The following RUNDC3B variants were observed in gnomAD, a reference collection of about 807,000 sequenced individuals.
The protein encoded by RUNDC3B is RUN domain containing 3B.
Under a neutral mutation model 58.4 loss-of-function variants are expected in RUNDC3B, and 33 were observed. That is an observed-to-expected ratio of 0.56 (90% CI 0.43 to 0.75). The LOEUF (loss-of-function observed/expected upper bound fraction) is 0.75, where lower values mean the gene tolerates loss of function less well. Among genes scored for constraint, RUNDC3B ranks in the 30% least tolerant of loss-of-function variants. The pLI is 0.00. For synonymous variants in RUNDC3B, 193 were observed against 195.2 expected (o/e 0.99, Z 0.10); for missense variants, 501 against 535.7 (o/e 0.94, Z 0.64).
intron 3 of RUNDC3B, among the ~76,000 whole-genome samples, chr7:87,705,680 C>T (rs962159481): frequency 2.6e-5 from 4 of 152,164 alleles, no homozygotes; most frequent in Non-Finnish European, 5.9e-5. Context: ...CTAGAATCAG[C>T]ACTCTTAGAA....
chr7:87,674,297 A>G (rs1447223437), intron 2 of RUNDC3B, among the ~76,000 whole-genome samples: 1 of 152,104 alleles, frequency 6.6e-6, no homozygotes, highest in African/African-American at 2.4e-5. Context: ...CAGTTGTGGC[A>G]GGGGTGGGGG....
In RUNDC3B at chr7:87,807,540, T is replaced by C. The variant is rs201750729; in HGVS notation, c.1103+21T>C. 130 of 1,589,012 alleles carry C rather than the reference T, an allele frequency of 8.2e-5. No homozygotes were observed. In the African/African-American group the frequency reaches 1.4e-3, roughly 18 times the overall value. On this transcript the variant is annotated intron_variant, in intron 9 of 10. Coordinates refer to ENST00000394654, the MANE Select transcript of RUNDC3B (RefSeq NM_001134405.2). ...TATGAGTAAGTGTAATACTTTTTTT[T>C]CCAACTAATTAATAGTTAGTTGTAC...
rs568047430 is a variant in RUNDC3B, at chr7:87,731,843, A to C, written c.459-7948A>C. On this transcript the variant is annotated intron_variant, in intron 4 of 10. Coordinates refer to ENST00000394654, the MANE Select transcript of RUNDC3B (RefSeq NM_001134405.2). ...GCTGGGGATTTCAACACCACATTTC[A>C]GCATTGGAAAGATCATACAGACAGA... Among the ~76,000 whole-genome samples the C allele has an allele frequency of 3.3e-5, 5 of 152,348 alleles. No individual in the cohort carries two copies. The South Asian group carries it at 1.0e-3, about 32-fold the overall frequency.
rs770248680 is a variant in RUNDC3B at position 87,816,374 on chromosome 7, A to G, written c.1225+112A>G. 5.0e-4 allele frequency: 386 copies of G among 764,598 alleles called. 1 individual carries two copies. Among genetic ancestry groups the G allele is most frequent in the Non-Finnish European group, 7.1e-4 (351 of 491,290 alleles). The allele number at this position is 764,598 out of a possible 1,614,324, so 47.4% of individuals were successfully genotyped here. ...GACATCTCTGTTAATCATGCTAGAAATTAAGCAGCCATTATGATTAAAAAT... is the reference window on the plus strand; with the variant it reads ...GACATCTCTGTTAATCATGCTAGAAGTTAAGCAGCCATTATGATTAAAAAT... On this transcript the variant is annotated intron_variant, in intron 10 of 10. Transcript: ENST00000394654.
intron 3 of RUNDC3B, chr7:87,709,366 T>G: frequency 1.0e-6 from 1 of 985,298 alleles, no homozygotes. Flanking sequence ...CAAGAGAGAA[T>G]TTTGAGACTA....
intron 2 of RUNDC3B, among the ~76,000 whole-genome samples, chr7:87,688,788 A>C (rs1827729416): frequency 6.6e-6 from 1 of 151,920 alleles, no homozygotes; most frequent in African/African-American, 2.4e-5. Flanking sequence ...CTTCTGTTTG[A>C]GTCATATTAT....
chr7:87,718,168 G>A (rs753378788), intron 4 of RUNDC3B, among the ~76,000 whole-genome samples: 4 of 152,128 alleles, frequency 2.6e-5, no homozygotes, highest in African/African-American at 7.2e-5. Context: ...GGCATATGCG[G>A]CAATGTCCAG....
chr7:87,666,306 C>G (rs1301982237), intron 2 of RUNDC3B, among the ~76,000 whole-genome samples: 1 of 152,048 alleles, frequency 6.6e-6, no homozygotes, highest in African/African-American at 2.4e-5. Context: ...AGTGTCTGTT[C>G]ATGTCTTTTG....
At chr7:87,777,667 T>A in intron 7 of RUNDC3B, 131 bp from the exon 8 acceptor site, 1 of 630,592 alleles carries the variant, frequency 1.6e-6, no homozygotes, top group East Asian at 3.1e-5. Context: ...TTTTACTAAT[T>A]TATCAGTAAT....
At chr7:87,783,956 C>A (rs73706922) in intron 8 of RUNDC3B, among the ~76,000 whole-genome samples, 15,979 of 151,792 alleles carry the variant, frequency 0.11, 1,052 homozygotes, top group African/African-American at 0.19. Flanking sequence ...GTTGACCTGG[C>A]AAGTCTGAAG....
At chr7:87,708,151 A>G (rs1415733016) in intron 3 of RUNDC3B, among the ~76,000 whole-genome samples, 1 of 152,168 alleles carries the variant, frequency 6.6e-6, no homozygotes, top group Non-Finnish European at 1.5e-5. Context: ...AAGAAATAAC[A>G]GTAAAAATTC....
At chr7:87,706,614 C>T (rs746088435) in intron 3 of RUNDC3B, among the ~76,000 whole-genome samples, 1 of 152,180 alleles carries the variant, frequency 6.6e-6, no homozygotes, top group South Asian at 2.1e-4. Flanking sequence ...GGATATTACA[C>T]GAGCTGAGCC....
chr7:87,709,138 C>A (rs1370802200), intron 3 of RUNDC3B: 5 of 387,368 alleles, frequency 1.3e-5, no homozygotes, highest in Non-Finnish European at 1.8e-5. Flanking sequence ...GGATTCCATA[C>A]ACATTCAAAT....
At chr7:87,645,065 C>G (rs997956662) in intron 1 of RUNDC3B, among the ~76,000 whole-genome samples, 2 of 149,442 alleles carry the variant, frequency 1.3e-5, no homozygotes, top group African/African-American at 4.9e-5. Flanking sequence ...GTTTTAGTCA[C>G]AATCATGCTT....
intron 6 of RUNDC3B, among the ~76,000 whole-genome samples, chr7:87,750,727 T>C (rs1202181353): frequency 1.1e-4 from 16 of 150,826 alleles, no homozygotes; most frequent in Non-Finnish European, 8.9e-5. Flanking sequence ...GATGGGGTTG[T>C]TTGTTTTTTT....
At chr7:87,761,907 A>G (rs1404419956) in intron 6 of RUNDC3B, among the ~76,000 whole-genome samples, 1 of 151,788 alleles carries the variant, frequency 6.6e-6, no homozygotes, top group Non-Finnish European at 1.5e-5. Flanking sequence ...TTAACTATAC[A>G]TAAACAGTTT....
At chr7:87,644,676 A>G (rs115229840) in intron 1 of RUNDC3B, among the ~76,000 whole-genome samples, 4,758 of 152,184 alleles carry the variant, frequency 0.031, 74 homozygotes, top group Middle Eastern at 0.048. Context: ...CCTGAAGCAT[A>G]TTGGATAAAT....
chr7:87,671,472 A>G (rs992289106), intron 2 of RUNDC3B, among the ~76,000 whole-genome samples: 3 of 151,924 alleles, frequency 2.0e-5, no homozygotes, highest in Admixed American at 6.6e-5. Context: ...ACTCTGGCCA[A>G]TTTTCCATAG....
chr7:87,730,057 G>A lies in RUNDC3B; in HGVS notation c.459-9734G>A, dbSNP rs1563167930. Among the ~76,000 whole-genome samples the A allele has an allele frequency of 2.6e-5, 4 of 152,144 alleles. No homozygotes were observed. The South Asian group carries it at 8.3e-4, about 31-fold the overall frequency. On this transcript the variant is annotated intron_variant, in intron 4 of 10. Transcript: ENST00000394654. The stretch of plus-strand genomic sequence containing the variant: ...CATTTGCAGACTTAAGAGCCCTTGG[G>A]CCTTCAATAAACATCAGTGGTACCC...
Sources: gnomAD v4.1 joint callset for allele counts (sites outside exome capture counted in the v4.1 genomes callset) on GRCh38, gnomAD v4.1.1 for gene constraint, MANE v1.5 for transcripts, NCBI Gene and HGNC (gene_info 2026-07-23, HGNC 2026-07-21) for gene names.